The following CCSER1 variants were observed in gnomAD, a reference collection of about 807,000 sequenced individuals.
CCSER1 encodes the protein serine-rich coiled-coil domain-containing protein 1.
In CCSER1, 41 loss-of-function variants were observed where a neutral mutation model predicts 82.0. The observed-to-expected ratio is 0.50, with a 90% CI of 0.39 to 0.65. The LOEUF (loss-of-function observed/expected upper bound fraction) is 0.65. CCSER1 is among the 30% of genes least tolerant of loss of function. CCSER1 has a pLI of 0.00. For synonymous variants in CCSER1, 414 were observed against 383.9 expected, an observed-to-expected ratio of 1.08 and a Z score of -0.92; for missense variants, 1,119 against 1,064.2, an observed-to-expected ratio of 1.05 and a Z score of -0.72.
At chr4:90,416,212 A>G (rs1755763486) in intron 4 of CCSER1, among the ~76,000 whole-genome samples, 1 of 152,170 alleles carries the variant, frequency 6.6e-6, no homozygotes, top group African/African-American at 2.4e-5. Flanking sequence ...TATCAATTAA[A>G]TATTTTAAAA....
chr4:90,257,130 T>A (rs1433073937), intron 1 of CCSER1, among the ~76,000 whole-genome samples: 1 of 151,978 alleles, frequency 6.6e-6, no homozygotes, highest in African/African-American at 2.4e-5. Context: ...ATATAAAAAT[T>A]ATTTGCAAAT....
At chr4:90,873,011 T>A (rs189919038) in intron 8 of CCSER1, among the ~76,000 whole-genome samples, 1 of 152,144 alleles carries the variant, frequency 6.6e-6, no homozygotes, top group African/African-American at 2.4e-5. Flanking sequence ...TTTAAAAAAA[T>A]ACTTGATTTG....
At chr4:91,577,709 C>A (rs1032202420) in intron 10 of CCSER1, among the ~76,000 whole-genome samples, 4 of 151,986 alleles carry the variant, frequency 2.6e-5, no homozygotes, top group African/African-American at 9.7e-5. Context: ...TGCTAAGAGT[C>A]CCTAAGCTCT....
At chr4:90,791,830 A>AC (rs1471682866) in intron 7 of CCSER1, among the ~76,000 whole-genome samples, 1 of 146,392 alleles carries the variant, frequency 6.8e-6, no homozygotes, top group African/African-American at 2.4e-5. Flanking sequence ...AAAAAAAAAA[A>AC]AAACACACAC....
At chr4:90,854,725 CT>C (rs146873811) in intron 8 of CCSER1, among the ~76,000 whole-genome samples, 14 of 149,880 alleles carry the variant, frequency 9.3e-5, no homozygotes, top group South Asian at 4.3e-4. Context: ...GTACTCAGAA[CT>C]TTTTTTTTTA....
At chr4:90,627,143 C>G (rs1054685464) in intron 5 of CCSER1, among the ~76,000 whole-genome samples, 1 of 151,960 alleles carries the variant, frequency 6.6e-6, no homozygotes, top group Non-Finnish European at 1.5e-5. Flanking sequence ...TATCTTATCC[C>G]TTCACAGGAC....
At chr4:90,688,198 AACAATT>A (rs1735169467) in intron 6 of CCSER1, among the ~76,000 whole-genome samples, 1 of 152,132 alleles carries the variant, frequency 6.6e-6, no homozygotes, top group South Asian at 2.1e-4. Flanking sequence ...AGAAGCCAGG[AACAATT>A]ACCTTAGAAT....
intron 8 of CCSER1, among the ~76,000 whole-genome samples, chr4:90,863,124 G>A (rs1765305827): frequency 6.7e-6 from 1 of 148,612 alleles, no homozygotes; most frequent in Non-Finnish European, 1.5e-5. Context: ...AGAGTGTGAT[G>A]TTCCCCTTCC....
intron 9 of CCSER1, among the ~76,000 whole-genome samples, chr4:90,986,845 C>T (rs1477357324): frequency 6.6e-6 from 1 of 151,684 alleles, no homozygotes; most frequent in Non-Finnish European, 1.5e-5. Flanking sequence ...CATAACAACG[C>T]CTTCGGAGAC....
intron 1 of CCSER1, among the ~76,000 whole-genome samples, chr4:90,148,469 G>A (rs1726225411): frequency 1.3e-5 from 2 of 152,068 alleles, no homozygotes; most frequent in Admixed American, 1.3e-4. Flanking sequence ...AAGGCACAAA[G>A]AAATGCATAT....
At chr4:90,210,568 T>C (rs1739790717) in intron 1 of CCSER1, among the ~76,000 whole-genome samples, 1 of 151,888 alleles carries the variant, frequency 6.6e-6, no homozygotes, top group Non-Finnish European at 1.5e-5. Flanking sequence ...CTCAGCCTCT[T>C]GAGTAGCTGA....
chr4:90,212,045 G>A (rs1032189757), intron 1 of CCSER1, among the ~76,000 whole-genome samples: 11 of 152,116 alleles, frequency 7.2e-5, no homozygotes, highest in Non-Finnish European at 1.0e-4. Flanking sequence ...GCTTTCATTA[G>A]GTAGAAAAAT....
At chr4:90,596,304 C>T (rs897268578) in intron 5 of CCSER1, among the ~76,000 whole-genome samples, 6 of 151,620 alleles carry the variant, frequency 4.0e-5, no homozygotes, top group Non-Finnish European at 8.9e-5. Flanking sequence ...TAGAAAAATT[C>T]TCATTTATTC....
intron 4 of CCSER1, among the ~76,000 whole-genome samples, chr4:90,439,871 A>AT (rs1759598292): frequency 6.6e-6 from 1 of 152,210 alleles, no homozygotes; most frequent in South Asian, 2.1e-4. Flanking sequence ...AACTTGGAGT[A>AT]TTTTATGTCA....
chr4:91,332,112 G>A (rs1216805728), intron 10 of CCSER1, among the ~76,000 whole-genome samples: 1 of 151,932 alleles, frequency 6.6e-6, no homozygotes, highest in African/African-American at 2.4e-5. Context: ...TTCTTGTGTT[G>A]AAATCATTTC....
intron 7 of CCSER1, among the ~76,000 whole-genome samples, chr4:90,755,296 A>C (rs62312994): frequency 0.057 from 8,664 of 152,258 alleles, 353 homozygotes; most frequent in Admixed American, 0.11. Flanking sequence ...TGTGGAACTT[A>C]TTCTACTGTT....
intron 3 of CCSER1, among the ~76,000 whole-genome samples, chr4:90,321,404 T>C (rs1737121624): frequency 6.6e-6 from 1 of 152,192 alleles, no homozygotes; most frequent in Admixed American, 6.6e-5. Context: ...CATCTGATTT[T>C]TATGGCTGAA....
At chr4:91,123,027 A>T (rs550629980) in intron 10 of CCSER1, among the ~76,000 whole-genome samples, 1 of 151,912 alleles carries the variant, frequency 6.6e-6, no homozygotes, top group East Asian at 1.9e-4. Flanking sequence ...CATTGAATAA[A>T]TATTAGGGGA....
chr4:90,617,181 T>C (rs1023425755), intron 5 of CCSER1, among the ~76,000 whole-genome samples: 19 of 152,172 alleles, frequency 1.2e-4, no homozygotes, highest in African/African-American at 4.3e-4. Flanking sequence ...GTAGTACGAT[T>C]ATTTGGTGGA....
Sources: allele counts gnomAD v4.1 joint callset (sites outside exome capture counted in the v4.1 genomes callset), GRCh38; gene constraint gnomAD v4.1.1; transcripts MANE v1.5; gene names NCBI Gene and HGNC (gene_info 2026-07-23, HGNC 2026-07-21).